The following MAGI1 variants were observed in gnomAD, a reference collection of about 807,000 sequenced individuals.
The protein encoded by MAGI1 is membrane associated guanylate kinase, WW and PDZ domain containing 1.
MAGI1 carries 58 observed loss-of-function variants against 139.9 expected under a neutral mutation model. The ratio of observed to expected loss-of-function variants is 0.41; its 90% CI spans 0.34 to 0.52. The LOEUF (loss-of-function observed/expected upper bound fraction) is 0.52. MAGI1 is among the 20% of genes least tolerant of loss of function. The pLI, the probability that MAGI1 is intolerant of heterozygous loss-of-function variation, is 0.12. For missense variants in MAGI1, 1,874 were observed against 1,901.6 expected (o/e 0.99, Z 0.27); for synonymous variants, 812 against 737.9 (o/e 1.10, Z -1.63).
At chr3:65,716,698 G>C (rs1027780268) in intron 1 of MAGI1, among the ~76,000 whole-genome samples, 1 of 152,054 alleles carries the variant, frequency 6.6e-6, no homozygotes, top group African/African-American at 2.4e-5. Context: ...TTCTTCATGG[G>C]ACCCAAGATA....
chr3:65,843,475 G>A (rs997240981), intron 1 of MAGI1, among the ~76,000 whole-genome samples: 6 of 152,164 alleles, frequency 3.9e-5, no homozygotes, highest in African/African-American at 1.4e-4. Flanking sequence ...AATGTTTGTT[G>A]TTTTAAGCTA....
At chr3:65,536,443 G>A (rs2078961303) in intron 2 of MAGI1, among the ~76,000 whole-genome samples, 1 of 152,178 alleles carries the variant, frequency 6.6e-6, no homozygotes, top group Admixed American at 6.5e-5. Context: ...AAAAGATAAT[G>A]AGCATTCTGG....
At chr3:65,971,157 T>A (rs1203088429) in intron 1 of MAGI1, among the ~76,000 whole-genome samples, 1 of 152,174 alleles carries the variant, frequency 6.6e-6, no homozygotes, top group Non-Finnish European at 1.5e-5. Flanking sequence ...TAGCCAAGAT[T>A]GTGCCACTGC....
chr3:65,851,697 C>T (rs1287793222), intron 1 of MAGI1, among the ~76,000 whole-genome samples: 2 of 151,870 alleles, frequency 1.3e-5, no homozygotes, highest in African/African-American at 4.8e-5. Context: ...TGCAGTGAGC[C>T]GAGATGGTGC....
At chr3:65,483,250 G>A (rs1357076702) in intron 3 of MAGI1, among the ~76,000 whole-genome samples, 9 of 152,112 alleles carry the variant, frequency 5.9e-5, no homozygotes, top group African/African-American at 1.4e-4. Flanking sequence ...TGCCCTTACC[G>A]TGCAGCAATG....
At chr3:66,007,548 G>C (rs962828799) in intron 1 of MAGI1, among the ~76,000 whole-genome samples, 2 of 152,212 alleles carry the variant, frequency 1.3e-5, no homozygotes, top group Admixed American at 6.5e-5. Context: ...TAAATGTGCA[G>C]GATAAGGGAA....
intron 1 of MAGI1, among the ~76,000 whole-genome samples, chr3:65,721,891 G>A (rs1294030328): frequency 6.6e-6 from 1 of 151,282 alleles, no homozygotes; most frequent in Non-Finnish European, 1.5e-5. Context: ...TCTGGAGGTC[G>A]ACTAAGGAAT....
chr3:66,038,212 G>T lies in MAGI1; in HGVS notation c.97C>A (p.Leu33Met). The T allele has an allele frequency of 6.2e-7, 1 of 1,612,052 alleles. No homozygotes were observed. Residue 33 changes from leucine to methionine, a missense_variant, in exon 1 of 23, where the codon CTG becomes ATG. By Grantham distance (15) the Leu-to-Met change is conservative (BLOSUM62 2). This residue lies in a region of MAGI1 where 648 missense variants were observed against 598.1 expected (regional missense o/e 1.08). Transcript: ENST00000402939. ...GPQGELGVTV[L>M]GGAEHGEFPY... The stretch of plus-strand genomic sequence containing the variant: ...AACTCCCCGTGCTCCGCGCCTCCCA[G>T]CACCGTCACCCCCAGCTCGCCCTGG...
chr3:65,515,037 T>C (rs1413239781), intron 2 of MAGI1, among the ~76,000 whole-genome samples: 2 of 145,666 alleles, frequency 1.4e-5, no homozygotes, highest in African/African-American at 5.2e-5. Flanking sequence ...GAAATCATCA[T>C]TCTCAGTAAA....
At chr3:65,360,281 C>G (rs758021949) in intron 22 of MAGI1, 8 of 984,280 alleles carry the variant, frequency 8.1e-6, no homozygotes, top group Non-Finnish European at 9.6e-6. Flanking sequence ...CATTCAATCA[C>G]AGTTTCTATA....
chr3:65,658,251 TA>T (rs1292981618), intron 1 of MAGI1, among the ~76,000 whole-genome samples: 1 of 142,062 alleles, frequency 7.0e-6, no homozygotes, highest in Non-Finnish European at 1.6e-5. Flanking sequence ...TAGAGAATGT[TA>T]CAGTTCTCTT....
At chr3:66,000,765 T>A (rs917610493) in intron 1 of MAGI1, among the ~76,000 whole-genome samples, 1 of 152,210 alleles carries the variant, frequency 6.6e-6, no homozygotes, top group African/African-American at 2.4e-5. Context: ...CAGGGCAACA[T>A]CCTGCATCAC....
chr3:65,409,635 T>G (rs1945620735), intron 12 of MAGI1, among the ~76,000 whole-genome samples: 2 of 151,314 alleles, frequency 1.3e-5, no homozygotes, highest in African/African-American at 4.9e-5. Flanking sequence ...CATGTTTCAT[T>G]TTTTTTTTCT....
chr3:65,834,618 C>T (rs535337853), intron 1 of MAGI1, among the ~76,000 whole-genome samples: 3 of 152,146 alleles, frequency 2.0e-5, no homozygotes, highest in Non-Finnish European at 4.4e-5. Context: ...TTGAGTTCTT[C>T]CACATTTTTG....
At chr3:65,525,297 C>G (rs2078332069) in intron 2 of MAGI1, among the ~76,000 whole-genome samples, 4 of 152,170 alleles carry the variant, frequency 2.6e-5, no homozygotes, top group Admixed American at 2.6e-4. Context: ...CAATATGACC[C>G]TCACAAACAC....
At chr3:65,942,695 C>T (rs2063368479) in intron 1 of MAGI1, among the ~76,000 whole-genome samples, 2 of 152,296 alleles carry the variant, frequency 1.3e-5, no homozygotes, top group South Asian at 4.1e-4. Context: ...GGTTGTTATG[C>T]AGATCAAATT....
intron 1 of MAGI1, among the ~76,000 whole-genome samples, chr3:65,777,789 C>T (rs532023296): frequency 2.2e-4 from 34 of 152,238 alleles, no homozygotes; most frequent in African/African-American, 7.9e-4. Flanking sequence ...TCTGGACCTC[C>T]GTGTGAACAA....
In MAGI1 at chr3:65,584,870, G is replaced by A. The variant is rs147022696; in HGVS notation, c.430+37102C>T. Among the ~76,000 whole-genome samples, 111 of 152,134 alleles carry A rather than the reference G, an allele frequency of 7.3e-4. 3 individuals are homozygous for A. Among genetic ancestry groups the A allele is most frequent in the African/African-American group, 2.5e-3 (102 of 41,486 alleles). On this transcript the variant is annotated intron_variant, in intron 2 of 22. Transcript: ENST00000402939. ...TTCATTTAAATCTTTCTTGTACCAG[G>A]TACTGTGCTAGACACTGGTGCTATA... is the stretch of plus-strand genomic sequence containing the variant.
intron 1 of MAGI1, among the ~76,000 whole-genome samples, chr3:65,742,670 A>C (rs1233240916): frequency 6.6e-6 from 1 of 152,218 alleles, no homozygotes; most frequent in African/African-American, 2.4e-5. Flanking sequence ...CGCCACCTAC[A>C]ACCACACTAC....
Sources: gnomAD v4.1 joint callset for allele counts (sites outside exome capture counted in the v4.1 genomes callset) on GRCh38, gnomAD v4.1.1 for gene constraint, gnomAD v4.1.1 regional missense constraint, MANE v1.5 for transcripts, NCBI Gene and HGNC (gene_info 2026-07-23, HGNC 2026-07-21) for gene names.